Variants in C11orf54 observed in about 807,000 individuals in gnomAD.
C11orf54 encodes beta-keto L-gulonate decarboxylase.
Under a neutral mutation model 35.5 loss-of-function variants are expected in C11orf54, and 29 were observed. The observed-to-expected ratio is 0.82, with a 90% CI of 0.61 to 1.11. C11orf54 has a LOEUF of 1.11. Ranked by LOEUF, C11orf54 falls within the 50% of genes most tolerant of loss-of-function variation. The pLI is 0.00. For synonymous variants in C11orf54, 108 were observed against 121.1 expected, an observed-to-expected ratio of 0.89 and a Z score of 0.71; for missense variants, 373 against 369.2, an observed-to-expected ratio of 1.01 and a Z score of -0.08.
intron 1 of C11orf54, among the ~76,000 whole-genome samples, chr11:93,744,289 A>G (rs1381586483): frequency 6.6e-6 from 1 of 152,220 alleles, no homozygotes; most frequent in Non-Finnish European, 1.5e-5. Context: ...CAGTTATTCA[A>G]GCTACATCCT....
intron 1 of C11orf54, chr11:93,746,619 A>C (rs936402130): frequency 1.1e-4 from 16 of 152,248 alleles, no homozygotes; most frequent in African/African-American, 3.9e-4. Context: ...AGAATTGAAC[A>C]TTAAATCTAT....
Position 93,753,684 on chromosome 11 carries a change from A to T in C11orf54, c.157A>T (p.Ile53Phe). 6.2e-7 allele frequency: 1 copy of T among 1,613,698 alleles called. No homozygotes were observed. Among genetic ancestry groups the T allele is most frequent in the Non-Finnish European group, 8.5e-7 (1 of 1,179,922 alleles). The change falls in exon 4 of 9, where the codon ATC becomes TTC. Residue 53 changes from isoleucine (I) to phenylalanine (F), a missense_variant and splice_region_variant. Physicochemically the swap from Ile to Phe is conservative, Grantham distance 21. Coordinates refer to ENST00000354421, the MANE Select transcript of C11orf54 (RefSeq NM_001286069.2). ...KEPFTFPVKG[I>F]CGKTRIAEVG... ...TTTGTTTTTTGGTTTTTTCTTAGGCATCTGTGGGAAAACTAGAATTGCAGA... is the reference window on the plus strand; with the variant it reads ...TTTGTTTTTTGGTTTTTTCTTAGGCTTCTGTGGGAAAACTAGAATTGCAGA...
intron 4 of C11orf54, 25 bp from the exon 5 acceptor site, chr11:93,753,911 A>C: frequency 6.2e-7 from 1 of 1,602,328 alleles, no homozygotes; most frequent in African/African-American, 1.3e-5. Flanking sequence ...TTGTGACTTA[A>C]ATAATATTTT....
chr11:93,747,720 A>G (rs1456632755), intron 2 of C11orf54, among the ~76,000 whole-genome samples: 1 of 152,200 alleles, frequency 6.6e-6, no homozygotes, highest in African/African-American at 2.4e-5. Context: ...TACCAACTTT[A>G]CAAGATGTAA....
chr11:93,757,124 ATGTG>A (rs3217337), intron 6 of C11orf54, among the ~76,000 whole-genome samples, 188 bp from the exon 7 acceptor site: 14 of 151,882 alleles, frequency 9.2e-5, no homozygotes, highest in African/African-American at 2.9e-4. Context: ...ACTGATAAGT[ATGTG>A]TGTGTGTGTG....
In C11orf54 at chr11:93,764,315, CA is replaced by C. The variant is rs1565281688; in HGVS notation, c.*2628del. ...TCTGAAGCAGTCCTGGGCCTCTTCACACTACAGATACCAACACTGCCTTTAC... is the reference window on the plus strand; with the variant it reads ...TCTGAAGCAGTCCTGGGCCTCTTCACCTACAGATACCAACACTGCCTTTAC... On this transcript the variant is annotated 3_prime_UTR_variant, in exon 9 of 9. Transcript: ENST00000354421. 6.6e-6 allele frequency: 1 copy of C among 152,264 alleles called. No homozygotes were observed. Among genetic ancestry groups the C allele is most frequent in the Admixed American group, 6.5e-5 (1 of 15,276 alleles). The allele number at this position is 152,264 out of a possible 1,614,324, so 9.4% of individuals were successfully genotyped here. A position where few individuals can be genotyped will look rare whatever the true frequency, so the allele number is the denominator to read the frequency against.
Position 93,757,293 on chromosome 11 carries a change from ATGCATCTT to A in C11orf54, c.508-21_508-14del. 6.3e-7 allele frequency: 1 copy of A among 1,589,550 alleles called. No individual in the cohort carries two copies. Among genetic ancestry groups the A allele is most frequent in the East Asian group, 2.2e-5 (1 of 44,824 alleles). Reference sequence around the variant, plus strand: ...GTTATTTTGCAGCATAGTCAATGGTATGCATCTTTATGTCCTCTATAGGTAATTGAGGT... The same window carrying A: ...GTTATTTTGCAGCATAGTCAATGGTATATGTCCTCTATAGGTAATTGAGGT... On this transcript the variant is annotated splice_polypyrimidine_tract_variant and intron_variant, in intron 6 of 8. Coordinates refer to ENST00000354421, the MANE Select transcript of C11orf54 (RefSeq NM_001286069.2).
At chr11:93,759,149 C>G (rs1191008291) in intron 7 of C11orf54, among the ~76,000 whole-genome samples, 1 of 152,160 alleles carries the variant, frequency 6.6e-6, no homozygotes, top group Non-Finnish European at 1.5e-5. Flanking sequence ...CCCGGCAATC[C>G]CATTACTGGG....
intron 1 of C11orf54, chr11:93,745,807 C>G (rs988472883): frequency 2.6e-5 from 4 of 152,232 alleles, no homozygotes; most frequent in African/African-American, 9.7e-5. Flanking sequence ...CATGGTGAAA[C>G]CCCGTCTCTA....
chr11:93,754,046 A>G lies in C11orf54; in HGVS notation c.330+9A>G. ...TCGGGTTCAATTCTGAGGTCAGCAT[A>G]TATAAGAAAATTATTTTACTTTATT... On this transcript the variant is annotated intron_variant, in intron 5 of 8. Coordinates refer to ENST00000354421, the MANE Select transcript of C11orf54 (RefSeq NM_001286069.2). 1.2e-6 allele frequency: 2 copies of G among 1,600,388 alleles called. No individual in the cohort carries two copies. Among genetic ancestry groups the G allele is most frequent in the Non-Finnish European group, 1.7e-6 (2 of 1,173,470 alleles).
rs764883988 is a variant in C11orf54 at position 93,761,566 on chromosome 11, G to A, written c.826G>A (p.Gly276Ser). The A allele has an allele frequency of 1.2e-6, 2 of 1,611,604 alleles. No homozygotes were observed. Among genetic ancestry groups the A allele is most frequent in the African/African-American group, 1.3e-5 (1 of 74,720 alleles). ...HTHFFSRHGE[G>S]GHYHYDTTPD... ...TCATTTTTTTAGTCGTCATGGAGAA[G>A]GTGGACACTACCATTATGACACTAC... The change falls in exon 9 of 9, where the codon GGT becomes AGT. Residue 276 changes from glycine (G) to serine (S), a missense_variant. By Grantham distance (56) the Gly-to-Ser change is moderately conservative. Coordinates refer to ENST00000354421, the MANE Select transcript of C11orf54 (RefSeq NM_001286069.2).
chr11:93,743,461 G>C (rs7943266), intron 1 of C11orf54, among the ~76,000 whole-genome samples: 84,336 of 152,108 alleles, frequency 0.55, 24,784 homozygotes, highest in Admixed American at 0.69. Context: ...TCGCGGGAGG[G>C]GGGGCGCGAG....
Position 93,753,758 on chromosome 11 carries a change from A to C in C11orf54, c.228+3A>C. Reference sequence around the variant, plus strand: ...TGCCTCTTGTAAACCAAAAAAAAGTAAGTACTTTTACTCTGCATATTCACA... The same window carrying C: ...TGCCTCTTGTAAACCAAAAAAAAGTCAGTACTTTTACTCTGCATATTCACA... On this transcript the variant is annotated splice_donor_region_variant and intron_variant, in intron 4 of 8. Coordinates refer to ENST00000354421, the MANE Select transcript of C11orf54 (RefSeq NM_001286069.2). 1 of 1,613,268 alleles carries C rather than the reference A, an allele frequency of 6.2e-7. No individual in the cohort carries two copies. Among genetic ancestry groups the C allele is most frequent in the Non-Finnish European group, 8.5e-7 (1 of 1,179,518 alleles).
intron 6 of C11orf54, among the ~76,000 whole-genome samples, chr11:93,755,766 A>AG (rs958980691): frequency 1.3e-5 from 2 of 151,718 alleles, no homozygotes; most frequent in South Asian, 2.1e-4. Flanking sequence ...AAAAAAAAAA[A>AG]AAAGAAAATT....
chr11:93,759,591 C>A (rs1326008769), intron 7 of C11orf54, 151 bp from the exon 8 acceptor site: 1 of 312,946 alleles, frequency 3.2e-6, no homozygotes, highest in Admixed American at 4.5e-5. Flanking sequence ...TACGTGTATA[C>A]CTATATAACA....
At chr11:93,756,102 G>A (rs1943128265) in intron 6 of C11orf54, among the ~76,000 whole-genome samples, 1 of 132,810 alleles carries the variant, frequency 7.5e-6, no homozygotes, top group South Asian at 2.4e-4. Context: ...GGGAGACAGA[G>A]GTTGCAGTGA....
At position 93,741,714 on chromosome 11, in the gene C11orf54, A is replaced by T. The variant is rs1565249821; in HGVS notation, c.-112A>T. ...AGATCCGGACTCTGGGTGTTTTGCTACCGTGACCGTTTAGGTGAGTGGAAT... is the reference window on the plus strand; with the variant it reads ...AGATCCGGACTCTGGGTGTTTTGCTTCCGTGACCGTTTAGGTGAGTGGAAT... On this transcript the variant is annotated 5_prime_UTR_variant, in exon 1 of 9. Coordinates refer to ENST00000354421, the MANE Select transcript of C11orf54 (RefSeq NM_001286069.2). 1 of 354,170 alleles carries T rather than the reference A, an allele frequency of 2.8e-6. No homozygotes were observed. The highest frequency in any genetic ancestry group is 5.6e-6 in the Non-Finnish European group (1 of 179,694). 21.9% of individuals were successfully genotyped at this position (354,170 alleles called of 1,614,324 possible).
At chr11:93,756,558 T>A (rs954491878) in intron 6 of C11orf54, among the ~76,000 whole-genome samples, 19 of 151,598 alleles carry the variant, frequency 1.3e-4, no homozygotes, top group Non-Finnish European at 2.1e-4. Flanking sequence ...AATAGAATAT[T>A]AATTTGGGGA....
Position 93,757,302 on chromosome 11 carries a change from T to C in C11orf54, c.508-14T>C, listed in dbSNP as rs1471904345. ...CAGCATAGTCAATGGTATGCATCTT[T>C]ATGTCCTCTATAGGTAATTGAGGTG... On this transcript the variant is annotated splice_polypyrimidine_tract_variant and intron_variant, in intron 6 of 8. Coordinates refer to ENST00000354421, the MANE Select transcript of C11orf54 (RefSeq NM_001286069.2). 2.5e-6 allele frequency: 4 copies of C among 1,594,404 alleles called. No individual in the cohort carries two copies. In the African/African-American group the frequency reaches 4.0e-5, roughly 16 times the overall value.
Sources: allele counts gnomAD v4.1 joint callset (sites outside exome capture counted in the v4.1 genomes callset), GRCh38; gene constraint gnomAD v4.1.1; transcripts MANE v1.5; gene names NCBI Gene and HGNC (gene_info 2026-07-23, HGNC 2026-07-21).